The following UBOX5 variants were observed in gnomAD, a reference collection of about 807,000 sequenced individuals.
UBOX5 encodes the protein RING finger protein 37.
Under a neutral mutation model 39.0 loss-of-function variants are expected in UBOX5, and 28 were observed. The ratio of observed to expected loss-of-function variants is 0.72; its 90% confidence interval spans 0.53 to 0.98. UBOX5 has a LOEUF of 0.98. Ranked by LOEUF, UBOX5 falls within the 50% of genes least tolerant of loss-of-function variation. UBOX5 has a pLI of 0.00. For synonymous variants in UBOX5, 283 were observed against 275.5 expected (o/e 1.03, Z -0.27); for missense variants, 585 against 674.4 (o/e 0.87, Z 1.47).
At chr20:3,153,102 G>C (rs1568483779) in intron 1 of UBOX5, among the ~76,000 whole-genome samples, 1 of 151,984 alleles carries the variant, frequency 6.6e-6, no homozygotes, top group Non-Finnish European at 1.5e-5. Context: ...ACATAAACAA[G>C]AATTAACAAA....
intron 1 of UBOX5, among the ~76,000 whole-genome samples, chr20:3,151,480 T>C (rs2066624381): frequency 6.6e-6 from 1 of 152,160 alleles, no homozygotes; most frequent in South Asian, 2.1e-4. Context: ...ACTATTTCTA[T>C]AAATGCAGAT....
intron 1 of UBOX5, among the ~76,000 whole-genome samples, chr20:3,133,195 A>T (rs953429039): frequency 6.6e-6 from 1 of 152,208 alleles, no homozygotes; most frequent in African/African-American, 2.4e-5. Context: ...CAAAGTCTTT[A>T]ATAGGTATAA....
At chr20:3,135,363 C>T (rs2066461503) in intron 1 of UBOX5, among the ~76,000 whole-genome samples, 2 of 151,964 alleles carry the variant, frequency 1.3e-5, no homozygotes, top group Non-Finnish European at 2.9e-5. Flanking sequence ...GAGAAGGAGC[C>T]CTGGGGAAAG....
At position 3,146,696 on chromosome 20, in the gene UBOX5, T is replaced by C. The variant is rs1340507703; in HGVS notation, c.-42+13070A>G. On this transcript the variant is annotated intron_variant, in intron 1 of 4. Transcript: ENST00000217173. ...CACTATTTTATCGCCAAACTTACAT[T>C]CTGGCTTTTATAATCATTTTGCAAC... is the stretch of plus-strand genomic sequence containing the variant. 2.0e-6 allele frequency: 3 copies of C among 1,491,866 alleles called. No individual in the cohort carries two copies. In the African/African-American group the frequency reaches 4.2e-5, roughly 21 times the overall value. The allele number at this position is 1,491,866 out of a possible 1,614,324, so 92.4% of individuals were successfully genotyped here.
chr20:3,153,370 G>A (rs1314444591), intron 1 of UBOX5, among the ~76,000 whole-genome samples: 2 of 152,216 alleles, frequency 1.3e-5, no homozygotes, highest in Admixed American at 1.3e-4. Context: ...AAGGCTTAGA[G>A]CCTTGTAAAG....
intron 3 of UBOX5, among the ~76,000 whole-genome samples, chr20:3,120,508 C>T (rs2066326544): frequency 6.6e-6 from 1 of 150,644 alleles, no homozygotes; most frequent in Non-Finnish European, 1.5e-5. Context: ...CTTAGCCAGG[C>T]GTGGTGGCGG....
intron 1 of UBOX5, among the ~76,000 whole-genome samples, chr20:3,126,226 T>C (rs1290900380): frequency 1.3e-5 from 2 of 152,120 alleles, no homozygotes; most frequent in East Asian, 1.9e-4. Context: ...CCGTGCTCTC[T>C]GAATCATGTG....
intron 4 of UBOX5, among the ~76,000 whole-genome samples, chr20:3,112,828 T>C (rs1042843272): frequency 6.6e-6 from 1 of 151,234 alleles, no homozygotes; most frequent in Admixed American, 6.6e-5. Flanking sequence ...TAGCCGGGCG[T>C]GGTGGCGGGC....
In UBOX5 at chr20:3,109,026, G is replaced by C. The variant is rs1279891403; in HGVS notation, c.*1080C>G. 1 of 151,772 alleles carries C rather than the reference G, an allele frequency of 6.6e-6. No individual in the cohort carries two copies. Among genetic ancestry groups the C allele is most frequent in the East Asian group, 1.9e-4 (1 of 5,190 alleles). The allele number at this position is 151,772 out of a possible 1,614,324, so 9.4% of individuals were successfully genotyped here. A position where few individuals can be genotyped will look rare whatever the true frequency, so the allele number is the denominator to read the frequency against. ...GAGCTCTGGACGGCCTAAAGGAAAG[G>C]AATGTGCCGGTTCACAGGGACCCGC... On this transcript the variant is annotated 3_prime_UTR_variant, in exon 5 of 5. Transcript: ENST00000217173.
At chr20:3,138,907 C>G (rs898844455) in intron 1 of UBOX5, among the ~76,000 whole-genome samples, 1 of 151,932 alleles carries the variant, frequency 6.6e-6, no homozygotes, top group South Asian at 2.1e-4. Context: ...TTTTGAGTCT[C>G]ATAGAGATGT....
At position 3,108,940 on chromosome 20, in the gene UBOX5, A is replaced by AG. The variant is rs1017492598; in HGVS notation, c.*1165_*1166insC. ...AGAGACCAACCCTGTCTCAATTAAA[A>AG]AAAAAAAAAAAAAAGCAACTAACCC... On this transcript the variant is annotated 3_prime_UTR_variant, in exon 5 of 5. Transcript: ENST00000217173. 4 of 150,762 alleles carry AG rather than the reference A, an allele frequency of 2.7e-5. No individual in the cohort carries two copies. The highest frequency in any genetic ancestry group is 9.7e-5 in the African/African-American group (4 of 41,086). The allele number at this position is 150,762 out of a possible 1,614,324, so 9.3% of individuals were successfully genotyped here. A position where few individuals can be genotyped will look rare whatever the true frequency, so the allele number is the denominator to read the frequency against.
At position 3,122,507 on chromosome 20, in the gene UBOX5, C is replaced by T. The variant is rs145523860; in HGVS notation, c.132G>A (p.Glu44=). ...LTKRSHGFRT[E]YFIKPPVYVT... Reference sequence around the variant, plus strand: ...CATAGACTGGTGGCTTAATGAAATACTCTGTCCTGAAACCATGACTTCTCT... The same window carrying T: ...CATAGACTGGTGGCTTAATGAAATATTCTGTCCTGAAACCATGACTTCTCT... The change falls in exon 3 of 5, where the codon GAG becomes GAA. Residue 44 remains glutamate, a synonymous_variant. Transcript: ENST00000217173. 15 of 1,613,930 alleles carry T rather than the reference C, an allele frequency of 9.3e-6. No homozygotes were observed. In the African/African-American group the frequency reaches 1.9e-4, roughly 20 times the overall value.
At chr20:3,122,759 G>A (rs998747659) in intron 2 of UBOX5, among the ~76,000 whole-genome samples, 175 bp from the exon 3 acceptor site, 3 of 152,076 alleles carry the variant, frequency 2.0e-5, no homozygotes, top group Admixed American at 1.3e-4. Flanking sequence ...GTCCCAGATC[G>A]GGGCCCCCAA....
chr20:3,145,300 C>T (rs1368287956), intron 1 of UBOX5, among the ~76,000 whole-genome samples: 1 of 151,978 alleles, frequency 6.6e-6, no homozygotes, highest in Admixed American at 6.6e-5. Context: ...TACAGGTGTG[C>T]ATCACCATGC....
At chr20:3,127,124 G>A (rs569231002) in intron 1 of UBOX5, among the ~76,000 whole-genome samples, 6 of 151,624 alleles carry the variant, frequency 4.0e-5, no homozygotes, top group African/African-American at 1.5e-4. Flanking sequence ...TAACTCTGTG[G>A]AGAAGGAGGG....
At chr20:3,147,691 T>A (rs1205108974) in intron 1 of UBOX5, 1 of 1,614,246 alleles carries the variant, frequency 6.2e-7, no homozygotes, top group Admixed American at 1.7e-5. Flanking sequence ...CAGGCATCTT[T>A]CTGTGAATCT....
intron 3 of UBOX5, among the ~76,000 whole-genome samples, chr20:3,117,627 T>C (rs1341775786): frequency 6.6e-6 from 1 of 152,276 alleles, no homozygotes; most frequent in East Asian, 1.9e-4. Flanking sequence ...GAGGTTGCAG[T>C]GAGCCAAGAT....
chr20:3,122,422 C>G lies in UBOX5; in HGVS notation c.217G>C (p.Gly73Arg). The change falls in exon 3 of 5, where the codon GGG becomes CGG. Residue 73 changes from glycine (G) to arginine (R), a missense_variant. By Grantham distance (125) the Gly-to-Arg change is moderately radical. Transcript: ENST00000217173. ...ICRINIDLTA[G>R]GGQNVTGLEM... ...AGGCCAGTGACGTTCTGACCTCCCC[C>G]AGCTGTGAGGTCTATGTTGATCCTA... 6.2e-7 allele frequency: 1 copy of G among 1,614,202 alleles called. No individual in the cohort carries two copies. Among genetic ancestry groups the G allele is most frequent in the Non-Finnish European group, 8.5e-7 (1 of 1,180,022 alleles).
At chr20:3,128,252 T>C (rs2066404843) in intron 1 of UBOX5, among the ~76,000 whole-genome samples, 2 of 152,228 alleles carry the variant, frequency 1.3e-5, no homozygotes, top group Non-Finnish European at 2.9e-5. Context: ...CCTGCCCAAC[T>C]AGCATAGTAG....
Sources: gnomAD v4.1 joint callset for allele counts (sites outside exome capture counted in the v4.1 genomes callset) on GRCh38, gnomAD v4.1.1 for gene constraint, MANE v1.5 for transcripts, NCBI Gene and HGNC (gene_info 2026-07-23, HGNC 2026-07-21) for gene names.